The following ABCC1 variants were observed in gnomAD, a reference collection of about 807,000 sequenced individuals.
ABCC1 encodes the protein multidrug resistance-associated protein 1.
ABCC1 carries 83 observed loss-of-function variants against 172.9 expected under a neutral mutation model. That is an observed-to-expected ratio of 0.48 (90% CI 0.40 to 0.58). The LOEUF is 0.58. Ranked by LOEUF, ABCC1 falls within the 20% of genes least tolerant of loss-of-function variation. ABCC1 has a pLI of 0.00. For missense variants in ABCC1, 1,817 were observed against 2,002.7 expected (o/e 0.91, Z 1.77); for synonymous variants, 937 against 825.2 (o/e 1.14, Z -2.32).
intron 1 of ABCC1, among the ~76,000 whole-genome samples, chr16:15,984,522 A>G (rs2046701148): frequency 6.8e-6 from 1 of 147,654 alleles, no homozygotes; most frequent in Admixed American, 6.9e-5. Context: ...GGCTCACTGC[A>G]TCCTCCGCTT....
At chr16:15,963,317 T>G (rs1443295926) in intron 1 of ABCC1, among the ~76,000 whole-genome samples, 2 of 152,232 alleles carry the variant, frequency 1.3e-5, no homozygotes, top group African/African-American at 4.8e-5. Flanking sequence ...GTTGAGTGTC[T>G]CCGTCTTTTC....
rs141310786 is a variant in ABCC1, at chr16:16,095,529, C to T, written c.2644+4941C>T. On this transcript the variant is annotated intron_variant, in intron 19 of 30. Transcript: ENST00000399410. ...ACGAATTCCCCCTTACCCTGCCCCC[C>T]GTGACAGGGAATCCCCTTGCCAGGA... Among the ~76,000 whole-genome samples the T allele has an allele frequency of 9.1e-3, 1,383 of 152,298 alleles. 14 individuals are homozygous for T. The highest frequency in any genetic ancestry group is 0.032 in the African/African-American group (1,313 of 41,570).
chr16:16,134,534 G>A (rs779854483), intron 28 of ABCC1, 26 bp downstream of exon 28: 2 of 1,613,180 alleles, frequency 1.2e-6, no homozygotes, highest in South Asian at 1.1e-5. Context: ...GGCCCAGGGG[G>A]TGAGCCAGAG....
chr16:16,090,135 G>A (rs45510900), intron 18 of ABCC1, among the ~76,000 whole-genome samples: 308 of 152,274 alleles, frequency 2.0e-3, no homozygotes, highest in African/African-American at 5.2e-3. Context: ...CCTGGAATCT[G>A]GGGCAGGGGT....
chr16:16,016,517 C>T lies in ABCC1; in HGVS notation c.511C>T (p.Arg171Cys), dbSNP rs775155522. 51 of 1,613,964 alleles carry T rather than the reference C, an allele frequency of 3.2e-5. No individual in the cohort carries two copies. Among genetic ancestry groups the T allele is most frequent in the Non-Finnish European group, 4.1e-5 (48 of 1,180,008 alleles). ...GTAGGATGCCCAGGTGGACCTGTTTCGTGACATCACTTTCTACGTCTACTT... is the reference window on the plus strand; with the variant it reads ...GTAGGATGCCCAGGTGGACCTGTTTTGTGACATCACTTTCTACGTCTACTT... The part of the protein sequence containing the change: ...LKEDAQVDLF[R>C]DITFYVYFSL... The change falls in exon 5 of 31, where the codon CGT becomes TGT. Residue 171 changes from arginine (R) to cysteine (C), a missense_variant. Coordinates refer to ENST00000399410, the MANE Select transcript of ABCC1 (RefSeq NM_004996.4).
chr16:16,128,206 C>G (rs560080538), intron 26 of ABCC1, among the ~76,000 whole-genome samples: 1 of 150,392 alleles, frequency 6.6e-6, no homozygotes, highest in South Asian at 2.1e-4. Flanking sequence ...TTGTTTGAGA[C>G]TTAAGTCTCG....
chr16:16,122,095 C>G lies in ABCC1; in HGVS notation c.3511C>G (p.Gln1171Glu). 6.2e-7 allele frequency: 1 copy of G among 1,614,194 alleles called. No individual in the cohort carries two copies. The highest frequency in any genetic ancestry group is 8.5e-7 in the Non-Finnish European group (1 of 1,180,034). Reference protein sequence around the residue: ...GVSVIRAFEEQERFIHQSDLK... With the variant: ...GVSVIRAFEEEERFIHQSDLK... ...CAGCGTCATTCGAGCCTTCGAGGAG[C>G]AGGAGCGCTTCATCCACCAGAGTGA... The change falls in exon 24 of 31, where the codon CAG becomes GAG. Residue 1171 changes from glutamine to glutamate, a missense_variant. This residue lies in a region of ABCC1 where 1,412 missense variants were observed against 1,600.3 expected (regional missense o/e 0.88). Coordinates refer to ENST00000399410, the MANE Select transcript of ABCC1 (RefSeq NM_004996.4).
intron 19 of ABCC1, among the ~76,000 whole-genome samples, chr16:16,096,839 C>A (rs918913465): frequency 1.3e-5 from 2 of 152,070 alleles, no homozygotes; most frequent in African/African-American, 2.4e-5. Context: ...CCTGGCTTGA[C>A]AGCATCCAAA....
chr16:16,081,674 G>A (rs2050810097), intron 16 of ABCC1, among the ~76,000 whole-genome samples: 2 of 152,166 alleles, frequency 1.3e-5, no homozygotes, highest in African/African-American at 4.8e-5. Context: ...GAGTAAGAAT[G>A]AGGGTACCTG....
At chr16:16,086,008 C>A (rs1218565241) in intron 17 of ABCC1, among the ~76,000 whole-genome samples, 1 of 152,182 alleles carries the variant, frequency 6.6e-6, no homozygotes, top group Non-Finnish European at 1.5e-5. Context: ...AGGCCGGAGC[C>A]TTGCTTCACC....
intron 19 of ABCC1, among the ~76,000 whole-genome samples, chr16:16,100,775 CCT>C (rs957794090): frequency 6.6e-6 from 1 of 152,128 alleles, no homozygotes; most frequent in Non-Finnish European, 1.5e-5. Flanking sequence ...CTCGTTTCAC[CCT>C]CTCGCAAATG....
intron 1 of ABCC1, among the ~76,000 whole-genome samples, chr16:15,994,796 C>G (rs908415134): frequency 2.0e-5 from 3 of 151,100 alleles, no homozygotes; most frequent in African/African-American, 7.3e-5. Flanking sequence ...TGAAGTCTTG[C>G]TCTGTTGCCC....
At position 16,051,412 on chromosome 16, in the gene ABCC1, A is replaced by G. The variant is rs143173956; in HGVS notation, c.1381-1312A>G. ...GGTCTCGAACTTCTACCCTCAAGCTATCTTACCACTTTGGCCTCCCAAAGT... is the reference window on the plus strand; with the variant it reads ...GGTCTCGAACTTCTACCCTCAAGCTGTCTTACCACTTTGGCCTCCCAAAGT... On this transcript the variant is annotated intron_variant, in intron 10 of 30. Coordinates refer to ENST00000399410, the MANE Select transcript of ABCC1 (RefSeq NM_004996.4). 2.9e-3 allele frequency among the ~76,000 whole-genome samples: 435 copies of G among 152,098 alleles called. 4 individuals carry two copies. Among genetic ancestry groups the G allele is most frequent in the African/African-American group, 9.3e-3 (385 of 41,470 alleles).
Position 16,039,267 on chromosome 16 carries a change from T to TTTTTC in ABCC1, c.809+2668_809+2669insCTTTT, listed in dbSNP as rs1491478105. On this transcript the variant is annotated intron_variant, in intron 7 of 30. Transcript: ENST00000399410. Reference sequence around the variant, plus strand: ...TGTGTGTGTGTGTGTGTGTGTTTTCTTTTTTTTTTTTTTTTTTTGAGATGG... The same window carrying TTTTTC: ...TGTGTGTGTGTGTGTGTGTGTTTTCTTTTTCTTTTTTTTTTTTTTTTTTGAGATGG... Among the ~76,000 whole-genome samples, 18 of 76,478 alleles carry TTTTTC rather than the reference T, an allele frequency of 2.4e-4. 1 individual carries two copies. The highest frequency in any genetic ancestry group is 4.8e-3 in the Middle Eastern group (1 of 208). The allele number at this position is 76,478 out of a possible 152,430, so 50.2% of individuals were successfully genotyped here.
At position 16,003,528 on chromosome 16, in the gene ABCC1, T is replaced by C. The variant is rs57891771; in HGVS notation, c.49-4288T>C. 6.2e-5 allele frequency among the ~76,000 whole-genome samples: 9 copies of C among 145,544 alleles called. 1 individual carries two copies. Among genetic ancestry groups the C allele is most frequent in the Middle Eastern group, 3.6e-3 (1 of 278 alleles). On this transcript the variant is annotated intron_variant, in intron 1 of 30. Transcript: ENST00000399410. ...GTGGGTTGGTGGATGGGTGGATGAATTGGTAGGTGGGTGGATGGATGGATG... is the reference window on the plus strand; with the variant it reads ...GTGGGTTGGTGGATGGGTGGATGAACTGGTAGGTGGGTGGATGGATGGATG...
chr16:16,033,253 C>G, intron 6 of ABCC1, 83 bp downstream of exon 6: 1 of 1,335,690 alleles, frequency 7.5e-7, no homozygotes, highest in African/African-American at 1.4e-5. Context: ...GCTCAGCTCC[C>G]CCTCCCCAAC....
intron 12 of ABCC1, among the ~76,000 whole-genome samples, chr16:16,061,606 A>G (rs1485391203): frequency 6.6e-6 from 1 of 151,574 alleles, no homozygotes. Context: ...CCCTCTCTCC[A>G]TGTTTCTTGT....
chr16:15,997,093 CTTT>C (rs34024385), intron 1 of ABCC1, among the ~76,000 whole-genome samples: 2 of 137,142 alleles, frequency 1.5e-5, no homozygotes, highest in Admixed American at 7.4e-5. Flanking sequence ...TGCGCTTTCT[CTTT>C]TTTTTTTTTT....
intron 15 of ABCC1, 147 bp downstream of exon 15, chr16:16,076,548 A>ATTGTCCAG: frequency 1.4e-6 from 1 of 723,826 alleles, no homozygotes; most frequent in Non-Finnish European, 2.2e-6. Context: ...CCATCTGGAC[A>ATTGTCCAG]ATGGGTGCAG....
Sources: allele counts gnomAD v4.1 joint callset (sites outside exome capture counted in the v4.1 genomes callset), GRCh38; gene constraint gnomAD v4.1.1; regional missense constraint gnomAD v4.1.1; transcripts MANE v1.5; gene names NCBI Gene and HGNC (gene_info 2026-07-23, HGNC 2026-07-21).